SLC8A3: variants seen among roughly 807,000 people sequenced by gnomAD.
SLC8A3 encodes sodium/calcium exchanger 3.
Under a neutral mutation model 65.4 loss-of-function variants are expected in SLC8A3, and 37 were observed. The ratio of observed to expected loss-of-function variants is 0.57; its 90% CI spans 0.44 to 0.74. The LOEUF (loss-of-function observed/expected upper bound fraction) is 0.74, where lower values mean the gene tolerates loss of function less well. SLC8A3 is among the 30% of genes least tolerant of loss of function. The pLI is 0.00. For synonymous variants in SLC8A3, 461 were observed against 444.5 expected (o/e 1.04, Z -0.47); for missense variants, 1,112 against 1,172.1 (o/e 0.95, Z 0.75).
chr14:70,078,543 G>A (rs1890745031), intron 2 of SLC8A3, among the ~76,000 whole-genome samples: 1 of 152,138 alleles, frequency 6.6e-6, no homozygotes, highest in Non-Finnish European at 1.5e-5. Context: ...TTACTTTACT[G>A]CCTACTCCCT....
At chr14:70,187,886 G>A (rs1438242320) in intron 1 of SLC8A3, among the ~76,000 whole-genome samples, 2 of 152,072 alleles carry the variant, frequency 1.3e-5, no homozygotes, top group East Asian at 1.9e-4. Context: ...GGCGCGCGCC[G>A]AGTGGATAAC....
intron 3 of SLC8A3, chr14:70,060,138 T>G (rs1378280266): frequency 6.5e-6 from 1 of 153,696 alleles, no homozygotes; most frequent in Non-Finnish European, 1.4e-5. Flanking sequence ...TGGTACACTT[T>G]CCCATGCCAC....
intron 2 of SLC8A3, among the ~76,000 whole-genome samples, chr14:70,132,959 C>G (rs1894945984): frequency 6.6e-6 from 1 of 152,208 alleles, no homozygotes; most frequent in South Asian, 2.1e-4. Flanking sequence ...CTGCTTATCA[C>G]TAACTGTTGT....
At chr14:70,127,799 G>T (rs76087191) in intron 2 of SLC8A3, among the ~76,000 whole-genome samples, 1 of 152,160 alleles carries the variant, frequency 6.6e-6, no homozygotes, top group Non-Finnish European at 1.5e-5. Flanking sequence ...GGTCTGAAGC[G>T]TATTGTGAGG....
chr14:70,158,388 A>C (rs769405366), intron 2 of SLC8A3, among the ~76,000 whole-genome samples: 1 of 152,226 alleles, frequency 6.6e-6, no homozygotes, highest in Non-Finnish European at 1.5e-5. Context: ...TAAAAGGTCG[A>C]CAAATCAAGA....
chr14:70,147,140 A>T (rs981320610), intron 2 of SLC8A3, among the ~76,000 whole-genome samples: 4 of 152,156 alleles, frequency 2.6e-5, no homozygotes. Flanking sequence ...GGCTGCTTGG[A>T]AAGGTTTTCT....
At chr14:70,074,090 C>G (rs2139938866) in intron 2 of SLC8A3, among the ~76,000 whole-genome samples, 1 of 152,340 alleles carries the variant, frequency 6.6e-6, no homozygotes, top group Middle Eastern at 3.4e-3. Flanking sequence ...CAGTGTTGCA[C>G]AACTGCACTG....
In SLC8A3 at chr14:70,048,792, G is replaced by A. The variant is rs368263429; in HGVS notation, c.2364C>T (p.Phe788=). The change falls in exon 6 of 7, where the codon TTC becomes TTT. Residue 788 remains phenylalanine (F), a synonymous_variant. Transcript: ENST00000356921. ...GLKDSVTAVV[F]VAFGTSVPDT... Reference sequence around the variant, plus strand: ...CTGGGACAGAGGTGCCAAATGCCACGAAAACAACAGCTGTGACTGAATCTT... The same window carrying A: ...CTGGGACAGAGGTGCCAAATGCCACAAAAACAACAGCTGTGACTGAATCTT... 17 of 1,613,918 alleles carry A rather than the reference G, an allele frequency of 1.1e-5. No individual in the cohort carries two copies. The highest frequency in any genetic ancestry group is 1.6e-4 in the Middle Eastern group (1 of 6,084).
chr14:70,127,558 G>C (rs560159013), intron 2 of SLC8A3, among the ~76,000 whole-genome samples: 19 of 152,064 alleles, frequency 1.2e-4, no homozygotes, highest in Non-Finnish European at 1.5e-4. Flanking sequence ...GCCTAACTGG[G>C]ACCAGCACCA....
chr14:70,069,979 C>T (rs75208277), intron 2 of SLC8A3, among the ~76,000 whole-genome samples: 2,514 of 152,224 alleles, frequency 0.017, 35 homozygotes, highest in South Asian at 0.075. Flanking sequence ...CTGGAGAAGT[C>T]GCTCTGACTC....
rs74061065 is a variant in SLC8A3 at position 70,130,379 on chromosome 14, G to A, written c.1784+36260C>T. ...TGGGGGGCAGATGCTGGGTTGCCCT[G>A]TGTTTGTTTTTGTCCTGTGCATGCA... On this transcript the variant is annotated intron_variant, in intron 2 of 6. Transcript: ENST00000356921. Among the ~76,000 whole-genome samples, 1,460 of 152,294 alleles carry A rather than the reference G, an allele frequency of 9.6e-3. 19 individuals carry two copies. Among genetic ancestry groups the A allele is most frequent in the African/African-American group, 0.032 (1,343 of 41,554 alleles).
intron 6 of SLC8A3, chr14:70,047,066 C>T (rs1233755815): frequency 6.6e-6 from 1 of 152,132 alleles, no homozygotes. Flanking sequence ...CCCTAAAGTC[C>T]TCATGTAAGG....
chr14:70,156,619 C>A (rs1171419313), intron 2 of SLC8A3, among the ~76,000 whole-genome samples: 1 of 152,208 alleles, frequency 6.6e-6, no homozygotes, highest in Non-Finnish European at 1.5e-5. Context: ...CAACCATACA[C>A]TGTGCCACAT....
intron 4 of SLC8A3, among the ~76,000 whole-genome samples, chr14:70,051,534 TAA>T (rs1185769425): frequency 6.6e-6 from 1 of 152,126 alleles, no homozygotes; most frequent in Non-Finnish European, 1.5e-5. Flanking sequence ...TTCCTAGGTA[TAA>T]GTGACCCTCC....
At chr14:70,079,991 G>T in intron 2 of SLC8A3, 1 of 635,420 alleles carries the variant, frequency 1.6e-6, no homozygotes, top group Non-Finnish European at 2.0e-6. Context: ...TTCTTCAGCA[G>T]TTACCTGGAG....
intron 1 of SLC8A3, among the ~76,000 whole-genome samples, chr14:70,168,884 T>C (rs1231764828): frequency 2.6e-5 from 4 of 152,246 alleles, no homozygotes; most frequent in African/African-American, 7.2e-5. Context: ...GTCATTATAC[T>C]TGAGTATCTT....
At chr14:70,082,265 T>A (rs1369223666) in intron 2 of SLC8A3, among the ~76,000 whole-genome samples, 8 of 151,906 alleles carry the variant, frequency 5.3e-5, no homozygotes, top group Non-Finnish European at 1.0e-4. Flanking sequence ...CAGATTTCAA[T>A]TTTTTTAAAA....
At chr14:70,101,925 G>A (rs61977427) in intron 2 of SLC8A3, among the ~76,000 whole-genome samples, 16,682 of 152,180 alleles carry the variant, frequency 0.11, 1,030 homozygotes, top group Non-Finnish European at 0.15. Context: ...AGTTGTTAAG[G>A]TGAGTGAAAT....
intron 2 of SLC8A3, among the ~76,000 whole-genome samples, chr14:70,106,595 A>G (rs1421908069): frequency 6.6e-6 from 1 of 152,114 alleles, no homozygotes; most frequent in Non-Finnish European, 1.5e-5. Flanking sequence ...TTTATTTAAT[A>G]ATAGGATAGA....
Sources: gnomAD v4.1 joint callset for allele counts (sites outside exome capture counted in the v4.1 genomes callset) on GRCh38, gnomAD v4.1.1 for gene constraint, MANE v1.5 for transcripts, NCBI Gene and HGNC (gene_info 2026-07-23, HGNC 2026-07-21) for gene names.